The following TF variants were observed in gnomAD, a reference collection of about 807,000 sequenced individuals.
TF encodes the protein transferrin.
In TF, 55 loss-of-function variants were observed where a neutral mutation model predicts 82.4. That is an observed-to-expected ratio of 0.67 (90% CI 0.54 to 0.84). The LOEUF is 0.84. TF is among the 40% of genes least tolerant of loss of function. The pLI, the probability that TF is intolerant of heterozygous loss-of-function variation, is 0.00. For synonymous variants in TF, 332 were observed against 332.6 expected, an observed-to-expected ratio of 1.00 and a Z score of 0.02; for missense variants, 737 against 868.4, an observed-to-expected ratio of 0.85 and a Z score of 1.90.
At position 133,756,346 on chromosome 3, in the gene TF, G is replaced by A; in HGVS notation, c.691+9G>A. Reference sequence around the variant, plus strand: ...GCACTCGACTATATTTGGTAAGAATGGGACAAGAATCCACCAGGGCCACTC... The same window carrying A: ...GCACTCGACTATATTTGGTAAGAATAGGACAAGAATCCACCAGGGCCACTC... On this transcript the variant is annotated intron_variant, in intron 6 of 16. Transcript: ENST00000402696. 2 of 1,613,962 alleles carry A rather than the reference G, an allele frequency of 1.2e-6. No individual in the cohort carries two copies. Among genetic ancestry groups the A allele is most frequent in the African/African-American group, 1.3e-5 (1 of 75,044 alleles).
chr3:133,732,545 T>C, the TF span, among the ~76,000 whole-genome samples: 4 of 152,194 alleles, frequency 2.6e-5, no homozygotes, highest in African/African-American at 9.7e-5. Flanking sequence ...AGTGTGGAAG[T>C]TTTATTCTTT....
the TF span, among the ~76,000 whole-genome samples, chr3:133,683,233 C>T: frequency 6.6e-6 from 1 of 152,186 alleles, no homozygotes; most frequent in Admixed American, 6.5e-5. Context: ...AAACCGGTAC[C>T]AGCCACTGCA....
At chr3:133,676,156 A>C in the TF span, among the ~76,000 whole-genome samples, 5 of 152,106 alleles carry the variant, frequency 3.3e-5, no homozygotes, top group South Asian at 1.0e-3. Context: ...AGGGGAAAAA[A>C]CTATCACCAT....
upstream of TF, among the ~76,000 whole-genome samples, chr3:133,744,422 A>G (rs1168875423): frequency 6.6e-6 from 1 of 152,186 alleles, no homozygotes; most frequent in Admixed American, 6.5e-5. Flanking sequence ...CATCAGCTGT[A>G]TGTGTGCATG....
chr3:133,793,165 C>A lies in TF; in HGVS notation c.*14545C>A, dbSNP rs1366563983. ...TTTGCCTTTTGAATAAACTACCCCC[C>A]CACCAAAAAAAAGGAAGGGAAAGAC... On this transcript the variant is annotated 3_prime_UTR_variant, in exon 17 of 17. Transcript: ENST00000402696. 1 of 151,804 alleles carries A rather than the reference C, an allele frequency of 6.6e-6. No homozygotes were observed. The allele number at this position is 151,804 out of a possible 1,614,324, so 9.4% of individuals were successfully genotyped here.
chr3:133,714,641 C>G, the TF span, among the ~76,000 whole-genome samples: 1 of 152,116 alleles, frequency 6.6e-6, no homozygotes, highest in African/African-American at 2.4e-5. Flanking sequence ...CTCATTCTCT[C>G]CATCTCCTAC....
rs952819681 is a variant in TF, at chr3:133,788,776, T to C, written c.*10156T>C. 2.0e-5 allele frequency: 3 copies of C among 152,210 alleles called. No individual in the cohort carries two copies. Among genetic ancestry groups the C allele is most frequent in the East Asian group, 1.9e-4 (1 of 5,188 alleles). 9.4% of individuals were successfully genotyped at this position (152,210 alleles called of 1,614,324 possible). A position where few individuals can be genotyped will look rare whatever the true frequency, so the allele number is the denominator to read the frequency against. On this transcript the variant is annotated 3_prime_UTR_variant, in exon 17 of 17. Coordinates refer to ENST00000402696, the MANE Select transcript of TF (RefSeq NM_001063.4). ...TTCTGGTTGTGGTCCCTGATTCCTA[T>C]GTGTGGCGCAGCTCAGGGCAAACTT...
the TF span, among the ~76,000 whole-genome samples, chr3:133,723,584 T>C: frequency 6.7e-6 from 1 of 149,098 alleles, no homozygotes. Context: ...CTTAATTGTA[T>C]TATTTTATTT....
chr3:133,762,684 C>G (rs774370397), intron 9 of TF, among the ~76,000 whole-genome samples: 1 of 152,024 alleles, frequency 6.6e-6, no homozygotes, highest in South Asian at 2.1e-4. Flanking sequence ...GCTATTTGGG[C>G]GTGTCTGAAA....
At chr3:133,680,038 T>C in the TF span, among the ~76,000 whole-genome samples, 2 of 152,198 alleles carry the variant, frequency 1.3e-5, no homozygotes, top group Non-Finnish European at 2.9e-5. Flanking sequence ...TGATTTTAAT[T>C]ACATTTCTCT....
At chr3:133,714,012 C>T in the TF span, among the ~76,000 whole-genome samples, 4 of 152,174 alleles carry the variant, frequency 2.6e-5, no homozygotes, top group Non-Finnish European at 4.4e-5. Context: ...GATGCATCAG[C>T]AACCAGTTTT....
intron 14 of TF, chr3:133,770,889 T>C (rs1934242873): frequency 2.3e-6 from 1 of 429,012 alleles, no homozygotes; most frequent in South Asian, 2.8e-5. Context: ...CACAGTATGA[T>C]TACCAAGATC....
chr3:133,725,680 C>G, the TF span, among the ~76,000 whole-genome samples: 1 of 151,882 alleles, frequency 6.6e-6, no homozygotes, highest in East Asian at 1.9e-4. Flanking sequence ...CTGGCCAGAA[C>G]TTCCAACACT....
rs1933508871 is a variant in TF, at chr3:133,746,627, C to T, written c.43+144C>T. 3 of 895,532 alleles carry T rather than the reference C, an allele frequency of 3.3e-6. No homozygotes were observed. The African/African-American group carries it at 4.9e-5, about 15-fold the overall frequency. The allele number at this position is 895,532 out of a possible 1,614,324, so 55.5% of individuals were successfully genotyped here. On this transcript the variant is annotated intron_variant, in intron 1 of 16. Coordinates refer to ENST00000402696, the MANE Select transcript of TF (RefSeq NM_001063.4). ...GGTGCCTTTCCATTGCCTCTCTACG[C>T]CCCACCCCTGGCCTTTGCTTGGGCT... is the stretch of plus-strand genomic sequence containing the variant.
rs559911128 is a variant in TF at position 133,764,520 on chromosome 3, T to A, written c.1297+245T>A. Among the ~76,000 whole-genome samples the A allele has an allele frequency of 2.0e-5, 3 of 152,342 alleles. No homozygotes were observed. The East Asian group carries it at 5.8e-4, about 29-fold the overall frequency. On this transcript the variant is annotated intron_variant, in intron 10 of 16. Coordinates refer to ENST00000402696, the MANE Select transcript of TF (RefSeq NM_001063.4). ...TGCACTGGGAAGTCCTCACTAAAGA[T>A]GACCCCATTGCAAAGGACAGCTGGG... is the stretch of plus-strand genomic sequence containing the variant.
At chr3:133,739,339 T>C in the TF span, among the ~76,000 whole-genome samples, 1 of 152,106 alleles carries the variant, frequency 6.6e-6, no homozygotes, top group African/African-American at 2.4e-5. Flanking sequence ...GACTTAAACA[T>C]AAGACCTAAA....
In TF at chr3:133,786,407, G is replaced by T. The variant is rs1055006060; in HGVS notation, c.*7787G>T. ...AAACCACCTGTTAATAATACACATT[G>T]TGTTTGTGCACTGGTTCAGGGGAGG... On this transcript the variant is annotated 3_prime_UTR_variant, in exon 17 of 17. Transcript: ENST00000402696. 1 of 152,150 alleles carries T rather than the reference G, an allele frequency of 6.6e-6. No homozygotes were observed. Among genetic ancestry groups the T allele is most frequent in the East Asian group, 1.9e-4 (1 of 5,204 alleles). 9.4% of individuals were successfully genotyped at this position (152,150 alleles called of 1,614,324 possible).
At chr3:133,681,401 A>G in the TF span, among the ~76,000 whole-genome samples, 1 of 152,220 alleles carries the variant, frequency 6.6e-6, no homozygotes, top group Non-Finnish European at 1.5e-5. Flanking sequence ...GCAGGGTGAG[A>G]CATCACCTCA....
the TF span, among the ~76,000 whole-genome samples, chr3:133,710,642 G>C: frequency 0.77 from 117,473 of 152,022 alleles, 45,652 homozygotes; most frequent in Non-Finnish European, 0.81. Flanking sequence ...TCCTCCCTCC[G>C]CAGCCAATCC....
Sources: allele counts gnomAD v4.1 joint callset (sites outside exome capture counted in the v4.1 genomes callset), GRCh38; gene constraint gnomAD v4.1.1; transcripts MANE v1.5; gene names NCBI Gene and HGNC (gene_info 2026-07-23, HGNC 2026-07-21).